The following MAGI1 variants were observed in gnomAD, a reference collection of about 807,000 sequenced individuals.
The protein encoded by MAGI1 is membrane associated guanylate kinase, WW and PDZ domain containing 1, also known as membrane-associated guanylate kinase, WW and PDZ domain-containing protein 1.
Under a neutral mutation model 139.9 loss-of-function variants are expected in MAGI1, and 58 were observed. That is an observed-to-expected ratio of 0.41 (90% confidence interval 0.34 to 0.52). The LOEUF (loss-of-function observed/expected upper bound fraction) is 0.52. Ranked by LOEUF, MAGI1 falls within the 20% of genes least tolerant of loss-of-function variation. The pLI, the probability that MAGI1 is intolerant of heterozygous loss-of-function variation, is 0.12. For synonymous variants in MAGI1, 812 were observed against 737.9 expected, an observed-to-expected ratio of 1.10 and a Z score of -1.63; for missense variants, 1,874 against 1,901.6, an observed-to-expected ratio of 0.99 and a Z score of 0.27.
Position 65,890,318 on chromosome 3 carries a change from T to G in MAGI1, c.313+147678A>C, listed in dbSNP as rs554082718. On this transcript the variant is annotated intron_variant, in intron 1 of 22. Coordinates refer to ENST00000402939, the MANE Select transcript of MAGI1 (RefSeq NM_001033057.2). The stretch of plus-strand genomic sequence containing the variant: ...AGGCGGAGCTTGCAGTGAGCAGAGA[T>G]AGCGCCACTGCACTTCAGCCTGGGC... 9.2e-5 allele frequency among the ~76,000 whole-genome samples: 14 copies of G among 152,236 alleles called. No individual in the cohort carries two copies. The South Asian group carries it at 2.7e-3, about 29-fold the overall frequency.
intron 17 of MAGI1, among the ~76,000 whole-genome samples, chr3:65,378,031 C>A (rs1942697919): frequency 6.6e-6 from 1 of 152,206 alleles, no homozygotes; most frequent in Non-Finnish European, 1.5e-5. Context: ...AAAGCCCACA[C>A]AGCCTGCACA....
chr3:65,913,030 T>G (rs2061735850), intron 1 of MAGI1, among the ~76,000 whole-genome samples: 1 of 152,138 alleles, frequency 6.6e-6, no homozygotes, highest in Non-Finnish European at 1.5e-5. Context: ...CCCAGCACTT[T>G]GGGAGGCAAG....
intron 1 of MAGI1, among the ~76,000 whole-genome samples, chr3:65,734,209 C>A (rs1165986048): frequency 6.6e-6 from 1 of 152,036 alleles, no homozygotes; most frequent in Non-Finnish European, 1.5e-5. Flanking sequence ...AATCTCAGCA[C>A]CTTGGGAGGC....
At chr3:65,561,807 G>C (rs1368332349) in intron 2 of MAGI1, among the ~76,000 whole-genome samples, 1 of 152,060 alleles carries the variant, frequency 6.6e-6, no homozygotes, top group African/African-American at 2.4e-5. Context: ...AACTACAGCT[G>C]GGCAGAAATA....
chr3:65,974,395 A>ATGGGTGGC (rs1207727834), intron 1 of MAGI1, among the ~76,000 whole-genome samples: 2 of 134,036 alleles, frequency 1.5e-5, no homozygotes, highest in South Asian at 5.2e-4. Flanking sequence ...GGCTGGGTGG[A>ATGGGTGGC]TGGGTGGATG....
chr3:65,391,052 C>T (rs747643369), intron 14 of MAGI1, 90 bp downstream of exon 14: 54 of 1,141,518 alleles, frequency 4.7e-5, no homozygotes, highest in Non-Finnish European at 4.4e-5. Flanking sequence ...AGTTTACACA[C>T]TGCAACTCAT....
intron 1 of MAGI1, among the ~76,000 whole-genome samples, chr3:65,846,976 CAAAAAAAA>C (rs58391331): frequency 1.2e-5 from 1 of 80,988 alleles, no homozygotes; most frequent in Non-Finnish European, 2.4e-5. Context: ...CAATGTCTTA[CAAAAAAAA>C]AAAAAAAAAA....
At chr3:65,536,544 T>G (rs1382673743) in intron 2 of MAGI1, among the ~76,000 whole-genome samples, 4 of 152,146 alleles carry the variant, frequency 2.6e-5, no homozygotes, top group Non-Finnish European at 5.9e-5. Context: ...GGGTGAGATT[T>G]ATATTAGAAA....
intron 1 of MAGI1, among the ~76,000 whole-genome samples, chr3:65,659,792 G>A (rs75079788): frequency 0.035 from 5,255 of 152,208 alleles, 141 homozygotes; most frequent in Non-Finnish European, 0.051. Context: ...TCCCACCGGC[G>A]TTTGGGGACC....
intron 1 of MAGI1, among the ~76,000 whole-genome samples, chr3:65,640,381 A>G (rs1210406949): frequency 6.6e-6 from 1 of 152,186 alleles, no homozygotes; most frequent in Admixed American, 6.5e-5. Flanking sequence ...GTATAAATGA[A>G]TAAGTTGGAT....
intron 5 of MAGI1, 80 bp from the exon 6 acceptor site, chr3:65,453,420 C>T: frequency 2.0e-6 from 2 of 999,940 alleles, no homozygotes; most frequent in African/African-American, 1.6e-5. Flanking sequence ...GAATTACACA[C>T]TCTTGAATAT....
chr3:65,509,152 C>A (rs1440258297), intron 2 of MAGI1, among the ~76,000 whole-genome samples: 1 of 122,030 alleles, frequency 8.2e-6, no homozygotes, highest in African/African-American at 3.1e-5. Context: ...GAAGCTATTG[C>A]CTTGGCCTCC....
chr3:65,738,766 G>A (rs2035006164), intron 1 of MAGI1, among the ~76,000 whole-genome samples: 1 of 152,172 alleles, frequency 6.6e-6, no homozygotes, highest in South Asian at 2.1e-4. Flanking sequence ...ACATTGAAAG[G>A]AATCTTTTTT....
chr3:65,569,825 T>C (rs965011017), intron 2 of MAGI1, among the ~76,000 whole-genome samples: 4 of 151,596 alleles, frequency 2.6e-5, no homozygotes, highest in African/African-American at 9.7e-5. Flanking sequence ...CAGTGAGCCA[T>C]GATTGTACCA....
At chr3:65,596,561 T>C (rs1375528810) in intron 2 of MAGI1, among the ~76,000 whole-genome samples, 13 of 152,296 alleles carry the variant, frequency 8.5e-5, no homozygotes, top group Middle Eastern at 3.4e-3. Flanking sequence ...AATAATTTAG[T>C]TCAGGCACAA....
intron 1 of MAGI1, among the ~76,000 whole-genome samples, chr3:65,767,047 A>G (rs1252183866): frequency 6.6e-6 from 1 of 152,148 alleles, no homozygotes; most frequent in Admixed American, 6.6e-5. Flanking sequence ...TTCTTACATA[A>G]GTGCATGGTC....
intron 1 of MAGI1, among the ~76,000 whole-genome samples, chr3:66,022,021 G>A (rs769022573): frequency 2.0e-5 from 3 of 152,080 alleles, no homozygotes; most frequent in Non-Finnish European, 4.4e-5. Context: ...TTCCCCCGCA[G>A]CCTTTTCCCG....
At chr3:65,449,821 T>C (rs1308290081) in intron 6 of MAGI1, among the ~76,000 whole-genome samples, 1 of 151,854 alleles carries the variant, frequency 6.6e-6, no homozygotes, top group Non-Finnish European at 1.5e-5. Flanking sequence ...AGGAGACAAA[T>C]CCAAGGCTCA....
At chr3:65,412,582 T>C (rs556052479) in intron 12 of MAGI1, among the ~76,000 whole-genome samples, 4 of 152,222 alleles carry the variant, frequency 2.6e-5, no homozygotes, top group Non-Finnish European at 4.4e-5. Flanking sequence ...AACACCTGTA[T>C]CTCTCAAATG....
Sources: gnomAD v4.1 joint callset for allele counts (sites outside exome capture counted in the v4.1 genomes callset) on GRCh38, gnomAD v4.1.1 for gene constraint, MANE v1.5 for transcripts, NCBI Gene and HGNC (gene_info 2026-07-23, HGNC 2026-07-21) for gene names.